Variants in VPS33B observed in about 807,000 individuals in gnomAD.
The protein encoded by VPS33B is VPS33B late endosome and lysosome associated, also known as vacuolar protein sorting-associated protein 33B.
In VPS33B, 80 loss-of-function variants were observed where a neutral mutation model predicts 95.3. The ratio of observed to expected loss-of-function variants is 0.84; its 90% CI spans 0.70 to 1.01. The LOEUF (loss-of-function observed/expected upper bound fraction) is 1.01. Among genes scored for constraint, VPS33B ranks in the 50% least tolerant of loss-of-function variants. The probability of loss-of-function intolerance (pLI) is 0.00; values close to 1 mark genes in which losing one functional copy is unlikely to be tolerated. For synonymous variants in VPS33B, 280 were observed against 280.4 expected, an observed-to-expected ratio of 1.00 and a Z score of 0.01; for missense variants, 715 against 773.4, an observed-to-expected ratio of 0.92 and a Z score of 0.90.
chr15:91,014,443 A>G lies in VPS33B; in HGVS notation c.240-10T>C, dbSNP rs769865078. On this transcript the variant is annotated splice_polypyrimidine_tract_variant and intron_variant, in intron 3 of 22. Transcript: ENST00000333371. Reference sequence around the variant, plus strand: ...GACCAAGAAGCACAATCTATGAGAGAGAAAGAAAAAAAAACAGTGAAGAAG... The same window carrying G: ...GACCAAGAAGCACAATCTATGAGAGGGAAAGAAAAAAAAACAGTGAAGAAG... 3 of 1,612,060 alleles carry G rather than the reference A, an allele frequency of 1.9e-6. No homozygotes were observed. Among genetic ancestry groups the G allele is most frequent in the East Asian group, 2.2e-5 (1 of 44,876 alleles).
rs527318700 is a variant in VPS33B, at chr15:90,999,146, G to A, written c.1775-92C>T. ...GCCTCTCCAGTTCCACAGTCCCCAC[G>A]GGATCACAGCACCAGTTTATAGACA... On this transcript the variant is annotated intron_variant, in intron 22 of 22. Transcript: ENST00000333371. This position sits in a 1 kb window ranked among gnomAD's most constrained non-coding sequence, Gnocchi z 5.1. The A allele has an allele frequency of 3.2e-5, 37 of 1,166,190 alleles. No homozygotes were observed. In the East Asian group the frequency reaches 4.6e-4, roughly 15 times the overall value. 72.2% of individuals were successfully genotyped at this position (1,166,190 alleles called of 1,614,324 possible).
chr15:91,022,508 C>A lies in VPS33B; in HGVS notation c.-259G>T. 2.7e-6 allele frequency: 1 copy of A among 364,260 alleles called. No individual in the cohort carries two copies. Among genetic ancestry groups the A allele is most frequent in the Non-Finnish European group, 5.0e-6 (1 of 200,536 alleles). 22.6% of individuals were successfully genotyped at this position (364,260 alleles called of 1,614,324 possible). Reference sequence around the variant, plus strand: ...CCCTCCCTCCCTGATCCACTCTGCCCGTCAGCAGGATTCCGGTCTACACCC... The same window carrying A: ...CCCTCCCTCCCTGATCCACTCTGCCAGTCAGCAGGATTCCGGTCTACACCC... On this transcript the variant is annotated 5_prime_UTR_variant, in exon 1 of 23. Transcript: ENST00000333371.
chr15:91,012,730 G>A (rs934095532), intron 5 of VPS33B, among the ~76,000 whole-genome samples: 29 of 152,192 alleles, frequency 1.9e-4, no homozygotes, highest in Admixed American at 3.3e-4. Flanking sequence ...TGGGATTGAG[G>A]ATGCACGTAG....
chr15:90,998,881 G>A lies in VPS33B; in HGVS notation c.*94C>T. ...TGCTCCCGGCTCTTAGCAGGTAGTT[G>A]GTGGACACTTGGTTATAGCAGCTGG... On this transcript the variant is annotated 3_prime_UTR_variant, in exon 23 of 23. Transcript: ENST00000333371. The surrounding 1 kb of genome is among the most constrained non-coding windows in gnomAD (Gnocchi z 4.8). The A allele has an allele frequency of 7.5e-7, 1 of 1,342,140 alleles. No homozygotes were observed. Among genetic ancestry groups the A allele is most frequent in the Non-Finnish European group, 1.1e-6 (1 of 945,766 alleles). The allele number at this position is 1,342,140 out of a possible 1,614,324, so 83.1% of individuals were successfully genotyped here.
Position 91,002,617 on chromosome 15 carries a change from G to A in VPS33B, c.1273-435C>T, listed in dbSNP as rs569733638. Among the ~76,000 whole-genome samples, 33 of 143,980 alleles carry A rather than the reference G, an allele frequency of 2.3e-4. No individual in the cohort carries two copies. The highest frequency in any genetic ancestry group is 8.1e-4 in the African/African-American group (31 of 38,202). The allele number at this position is 143,980 out of a possible 152,430, so 94.5% of individuals were successfully genotyped here. On this transcript the variant is annotated intron_variant, in intron 17 of 22. Transcript: ENST00000333371. The surrounding 1 kb of genome is among the most constrained non-coding windows in gnomAD (Gnocchi z 4.7). The stretch of plus-strand genomic sequence containing the variant: ...TGCACTCTAGCTTGGGCAACAGAGC[G>A]AGACATCGTCTCGAAATAAAAAAAA...
chr15:91,005,382 T>C lies in VPS33B; in HGVS notation c.1103A>G (p.His368Arg), dbSNP rs1376061465. ...CACAGCAAGGCTGCGGCAGTTACCA[T>C]GCTCAGTCTTGATTAGCTCCTGGAA... is the stretch of plus-strand genomic sequence containing the variant. ...QDFQELIKTE[H>R]ALLEGFNIRE... Residue 368 changes from histidine (H) to arginine (R), a missense_variant and splice_region_variant, in exon 14 of 23, where the codon CAT becomes CGT. By Grantham distance (29) the His-to-Arg change is conservative. Transcript: ENST00000333371. The surrounding 1 kb of genome is among the most constrained non-coding windows in gnomAD (Gnocchi z 6.4). The C allele has an allele frequency of 4.3e-6, 7 of 1,614,034 alleles. No individual in the cohort carries two copies. The highest frequency in any genetic ancestry group is 5.1e-6 in the Non-Finnish European group (6 of 1,180,024).
In VPS33B at chr15:91,010,863, G is replaced by C. The variant is rs2040759905; in HGVS notation, c.358-1017C>G. On this transcript the variant is annotated intron_variant, in intron 5 of 22. Coordinates refer to ENST00000333371, the MANE Select transcript of VPS33B (RefSeq NM_018668.5). This position sits in a 1 kb window ranked among gnomAD's most constrained non-coding sequence, Gnocchi z 5.7. ...TAGGATTAACATTAAATAGACACCA[G>C]TGGATTTGACAACGGAGACCTGAGG... Among the ~76,000 whole-genome samples the C allele has an allele frequency of 6.6e-6, 1 of 152,194 alleles. No individual in the cohort carries two copies. The highest frequency in any genetic ancestry group is 2.1e-4 in the South Asian group (1 of 4,836).
At chr15:91,014,496 A>G (rs2151680317) in intron 3 of VPS33B, 63 bp from the exon 4 acceptor site, 1 of 1,571,440 alleles carries the variant, frequency 6.4e-7, no homozygotes, top group South Asian at 1.1e-5. Flanking sequence ...GCAACTTAGA[A>G]GAAACTGAAA....
Position 91,009,987 on chromosome 15 carries a change from A to G in VPS33B, c.358-141T>C, listed in dbSNP as rs946456655. 9 of 888,970 alleles carry G rather than the reference A, an allele frequency of 1.0e-5. No individual in the cohort carries two copies. In the Admixed American group the frequency reaches 1.8e-4, roughly 18 times the overall value. 55.1% of individuals were successfully genotyped at this position (888,970 alleles called of 1,614,324 possible). ...AAGAGAACCCAGACTCTTAAGATCT[A>G]GAAAGAACCATTAGAATCATTCAGC... On this transcript the variant is annotated intron_variant, in intron 5 of 22. Coordinates refer to ENST00000333371, the MANE Select transcript of VPS33B (RefSeq NM_018668.5). This position sits in a 1 kb window ranked among gnomAD's most constrained non-coding sequence, Gnocchi z 4.1.
In VPS33B at chr15:91,005,484, C is replaced by G; in HGVS notation, c.1031-30G>C. On this transcript the variant is annotated intron_variant, in intron 13 of 22. Coordinates refer to ENST00000333371, the MANE Select transcript of VPS33B (RefSeq NM_018668.5). This position sits in a 1 kb window ranked among gnomAD's most constrained non-coding sequence, Gnocchi z 6.4. ...AGGTTGGACAAAGGGAGCTGACATA[C>G]TCCTGGTTCTAGAAAGATGTCCCTT... The G allele has an allele frequency of 6.2e-7, 1 of 1,613,532 alleles. No individual in the cohort carries two copies. The highest frequency in any genetic ancestry group is 8.5e-7 in the Non-Finnish European group (1 of 1,179,598).
chr15:91,012,347 T>A (rs943003598), intron 5 of VPS33B, among the ~76,000 whole-genome samples: 2 of 152,116 alleles, frequency 1.3e-5, no homozygotes, highest in Admixed American at 6.6e-5. Flanking sequence ...AAGCCTAGGG[T>A]CCCACTTGAT....
intron 6 of VPS33B, among the ~76,000 whole-genome samples, chr15:91,008,253 C>T (rs746413497): frequency 4.6e-5 from 7 of 152,122 alleles, no homozygotes; most frequent in Non-Finnish European, 8.8e-5. Flanking sequence ...AGAAAACATT[C>T]ATTCATTCAT....
At chr15:91,017,417 T>C (rs1478221898) in intron 2 of VPS33B, among the ~76,000 whole-genome samples, 2 of 106,712 alleles carry the variant, frequency 1.9e-5, no homozygotes, top group African/African-American at 3.7e-5. Flanking sequence ...TATATATATA[T>C]ATATATTCTG....
Position 91,015,419 on chromosome 15 carries a change from C to T in VPS33B, c.240-986G>A, listed in dbSNP as rs2040897482. Among the ~76,000 whole-genome samples the T allele has an allele frequency of 6.6e-6, 1 of 151,538 alleles. No individual in the cohort carries two copies. Among genetic ancestry groups the T allele is most frequent in the Admixed American group, 6.6e-5 (1 of 15,202 alleles). On this transcript the variant is annotated intron_variant, in intron 3 of 22. Coordinates refer to ENST00000333371, the MANE Select transcript of VPS33B (RefSeq NM_018668.5). This position sits in a 1 kb window ranked among gnomAD's most constrained non-coding sequence, Gnocchi z 4.7. ...ATAAGGCCTGGCGAGGTGGTGCATG[C>T]CTATAATCCCAGCATTTTGGGAGGC...
Position 90,998,853 on chromosome 15 carries a change from C to T in VPS33B, c.*122G>A. On this transcript the variant is annotated 3_prime_UTR_variant, in exon 23 of 23. Transcript: ENST00000333371. This position sits in a 1 kb window ranked among gnomAD's most constrained non-coding sequence, Gnocchi z 4.8. ...AATGTTCTCTAAATCCCAACACGTT[C>T]CATGCTCCCGGCTCTTAGCAGGTAG... 6.0e-6 allele frequency: 6 copies of T among 996,714 alleles called. No homozygotes were observed. Among genetic ancestry groups the T allele is most frequent in the Non-Finnish European group, 9.4e-6 (6 of 637,910 alleles). 61.7% of individuals were successfully genotyped at this position (996,714 alleles called of 1,614,324 possible).
In VPS33B at chr15:91,007,633, T is replaced by C; in HGVS notation, c.499-60A>G. 1 of 1,572,764 alleles carries C rather than the reference T, an allele frequency of 6.4e-7. No homozygotes were observed. The highest frequency in any genetic ancestry group is 2.2e-5 in the East Asian group (1 of 44,650). ...CAACCCAGTAGGACCACCTGGAAAGTGGCTAGCCCTAGAAGCCCTGGAGCA... is the reference window on the plus strand; with the variant it reads ...CAACCCAGTAGGACCACCTGGAAAGCGGCTAGCCCTAGAAGCCCTGGAGCA... On this transcript the variant is annotated intron_variant, in intron 7 of 22. Coordinates refer to ENST00000333371, the MANE Select transcript of VPS33B (RefSeq NM_018668.5). This position sits in a 1 kb window ranked among gnomAD's most constrained non-coding sequence, Gnocchi z 5.3.
intron 1 of VPS33B, among the ~76,000 whole-genome samples, chr15:91,019,689 C>G (rs1299714345): frequency 6.6e-6 from 1 of 152,082 alleles, no homozygotes; most frequent in Non-Finnish European, 1.5e-5. Flanking sequence ...AGGGAGTCCA[C>G]TTAGGGAGTT....
At position 90,999,752 on chromosome 15, in the gene VPS33B, G is replaced by A. The variant is rs924256704; in HGVS notation, c.1699C>T (p.Leu567Phe). Reference sequence around the variant, plus strand: ...CCACCCAAGAACACCACCAAGATGAGGCGCAGGGACTCACTGGAAGCCTTG... The same window carrying A: ...CCACCCAAGAACACCACCAAGATGAAGCGCAGGGACTCACTGGAAGCCTTG... Reference protein sequence around the residue: ...EDKASSESLRLILVVFLGGCT... With the variant: ...EDKASSESLRFILVVFLGGCT... The change falls in exon 22 of 23, where the codon CTC becomes TTC. Residue 567 changes from leucine to phenylalanine, a missense_variant. Physicochemically the swap from Leu to Phe is conservative, Grantham distance 22. Coordinates refer to ENST00000333371, the MANE Select transcript of VPS33B (RefSeq NM_018668.5). This position sits in a 1 kb window ranked among gnomAD's most constrained non-coding sequence, Gnocchi z 5.1. The A allele has an allele frequency of 1.9e-6, 3 of 1,614,150 alleles. No individual in the cohort carries two copies. The Admixed American group carries it at 5.0e-5, about 27-fold the overall frequency.
Position 91,002,199 on chromosome 15 carries a change from T to C in VPS33B, c.1273-17A>G, listed in dbSNP as rs776168073. 2 of 1,613,968 alleles carry C rather than the reference T, an allele frequency of 1.2e-6. No individual in the cohort carries two copies. The highest frequency in any genetic ancestry group is 1.1e-5 in the South Asian group (1 of 91,030). ...GCCATAGCTCTGAAGAAGATGCAAT[T>C]AGACTATTTACTGAGTGTCCAAAGA... On this transcript the variant is annotated splice_polypyrimidine_tract_variant and intron_variant, in intron 17 of 22. Transcript: ENST00000333371. This position sits in a 1 kb window ranked among gnomAD's most constrained non-coding sequence, Gnocchi z 4.7.
Sources: allele counts gnomAD v4.1 joint callset (sites outside exome capture counted in the v4.1 genomes callset), GRCh38; gene constraint gnomAD v4.1.1; non-coding constraint Gnocchi (gnomAD v3.1); transcripts MANE v1.5; gene names NCBI Gene and HGNC (gene_info 2026-07-23, HGNC 2026-07-21).